The following MAPK10 variants were observed in gnomAD, a reference collection of about 807,000 sequenced individuals.
The protein encoded by MAPK10 is mitogen-activated protein kinase 10.
Under a neutral mutation model 59.3 loss-of-function variants are expected in MAPK10, and 25 were observed. That is an observed-to-expected ratio of 0.42 (90% CI 0.31 to 0.59). The LOEUF (loss-of-function observed/expected upper bound fraction) is 0.59, where lower values mean the gene tolerates loss of function less well. Ranked by LOEUF, MAPK10 falls within the 20% of genes least tolerant of loss-of-function variation. MAPK10 has a pLI of 0.15. For synonymous variants in MAPK10, 190 were observed against 200.5 expected (o/e 0.95, Z 0.44); for missense variants, 351 against 568.9 (o/e 0.62, Z 3.90).
chr4:86,260,397 G>A (rs1287588559), intron 2 of MAPK10, among the ~76,000 whole-genome samples: 1 of 152,048 alleles, frequency 6.6e-6, no homozygotes, highest in Non-Finnish European at 1.5e-5. Context: ...TCCAACAGTG[G>A]TTTCTTTCTT....
chr4:86,055,883 C>T lies in MAPK10; in HGVS notation c.1110+8383G>A, dbSNP rs2044455213. Among the ~76,000 whole-genome samples the T allele has an allele frequency of 2.0e-5, 3 of 149,992 alleles. No homozygotes were observed. The South Asian group carries it at 6.2e-4, about 31-fold the overall frequency. On this transcript the variant is annotated intron_variant, in intron 11 of 13. Transcript: ENST00000641462. ...ATTAAATTTTATATAATAAACTTCA[C>T]TTGCAAACTGACTTCCTTCTCAGAC...
At chr4:86,452,218 C>T (rs1322816901) in intron 1 of MAPK10, among the ~76,000 whole-genome samples, 1 of 152,194 alleles carries the variant, frequency 6.6e-6, no homozygotes, top group African/African-American at 2.4e-5. Flanking sequence ...AACCAAACAA[C>T]AGAGAACAGG....
chr4:86,152,126 C>G (rs1297181645), intron 4 of MAPK10: 6 of 152,140 alleles, frequency 3.9e-5, no homozygotes, highest in African/African-American at 1.4e-4. Flanking sequence ...CTCACACTTC[C>G]CATCCATATT....
chr4:86,154,912 A>G (rs2067320452), intron 4 of MAPK10, among the ~76,000 whole-genome samples: 1 of 152,138 alleles, frequency 6.6e-6, no homozygotes, highest in African/African-American at 2.4e-5. Context: ...AATTTTTATC[A>G]GCAAGAAATA....
At chr4:86,136,631 G>C in intron 4 of MAPK10, among the ~76,000 whole-genome samples, 1 of 148,698 alleles carries the variant, frequency 6.7e-6, no homozygotes, top group African/African-American at 2.5e-5. Flanking sequence ...ATCAACTAAC[G>C]AGCAAAATCA....
intron 1 of MAPK10, among the ~76,000 whole-genome samples, chr4:86,388,494 TA>T (rs1741797137): frequency 6.6e-6 from 1 of 152,160 alleles, no homozygotes; most frequent in South Asian, 2.1e-4. Context: ...TAATCATACA[TA>T]AGATGACTTT....
intron 1 of MAPK10, among the ~76,000 whole-genome samples, chr4:86,450,058 TA>T (rs1750523324): frequency 6.6e-6 from 1 of 152,204 alleles, no homozygotes; most frequent in South Asian, 2.1e-4. Context: ...AGGAACTAGC[TA>T]AATTGTGCCT....
intron 1 of MAPK10, among the ~76,000 whole-genome samples, chr4:86,517,948 A>C (rs1400209552): frequency 6.6e-6 from 1 of 152,040 alleles, no homozygotes; most frequent in Admixed American, 6.6e-5. Context: ...TACTGTTTCA[A>C]TCTTGTTACT....
intron 1 of MAPK10, among the ~76,000 whole-genome samples, chr4:86,557,428 AT>A (rs1471852081): frequency 9.2e-5 from 14 of 152,146 alleles, no homozygotes; most frequent in Admixed American, 9.2e-4. Context: ...AAACTAGTGT[AT>A]TTTTTTAAAA....
Position 86,499,059 on chromosome 4 carries a change from A to T in MAPK10, c.-263+94851T>A, listed in dbSNP as rs144574179. 2.7e-3 allele frequency among the ~76,000 whole-genome samples: 405 copies of T among 152,334 alleles called. 3 individuals are homozygous for T. The highest frequency in any genetic ancestry group is 9.2e-3 in the African/African-American group (384 of 41,562). On this transcript the variant is annotated intron_variant, in intron 1 of 4. Coordinates refer to the MAPK10 transcript ENST00000502302. ...TCCAATTATAGAGAATCATAAGTTAATATTCACATCCTTTTGCGATTACAA... is the reference window on the plus strand; with the variant it reads ...TCCAATTATAGAGAATCATAAGTTATTATTCACATCCTTTTGCGATTACAA...
chr4:86,159,850 G>T (rs2068977880), intron 3 of MAPK10, among the ~76,000 whole-genome samples: 1 of 151,912 alleles, frequency 6.6e-6, no homozygotes, highest in Non-Finnish European at 1.5e-5. Flanking sequence ...ATAAGACAAA[G>T]ATGATCACTG....
chr4:86,350,030 G>T (rs1239687549), intron 2 of MAPK10, among the ~76,000 whole-genome samples: 2 of 152,102 alleles, frequency 1.3e-5, no homozygotes, highest in Non-Finnish European at 2.9e-5. Context: ...AAATGGGGAT[G>T]GATGGGAGTA....
At chr4:86,169,788 G>C (rs747277489) in intron 3 of MAPK10, among the ~76,000 whole-genome samples, 4,078 of 151,864 alleles carry the variant, frequency 0.027, 108 homozygotes, top group Non-Finnish European at 0.038. Flanking sequence ...TGAAATGAAG[G>C]AAAAAATGTT....
chr4:86,587,882 C>T (rs1762746390), intron 1 of MAPK10, among the ~76,000 whole-genome samples: 1 of 152,144 alleles, frequency 6.6e-6, no homozygotes, highest in African/African-American at 2.4e-5. Flanking sequence ...CTGGGTGTGG[C>T]AATGCGTGCC....
At chr4:86,318,990 C>T (rs1277700930) in intron 2 of MAPK10, among the ~76,000 whole-genome samples, 1 of 152,152 alleles carries the variant, frequency 6.6e-6, no homozygotes, top group Non-Finnish European at 1.5e-5. Flanking sequence ...TTTATTGAAT[C>T]TATGTTTATT....
chr4:86,345,791 C>T (rs1482316528), intron 2 of MAPK10, among the ~76,000 whole-genome samples: 3 of 152,190 alleles, frequency 2.0e-5, no homozygotes, highest in Admixed American at 6.5e-5. Context: ...AAAAACTTTT[C>T]CTATATATTC....
At chr4:86,080,768 A>G (rs2050477201) in intron 9 of MAPK10, 2 of 152,018 alleles carry the variant, frequency 1.3e-5, no homozygotes, top group South Asian at 2.1e-4. Context: ...GACAACAACT[A>G]TCTAAATGAA....
chr4:86,195,942 T>C (rs2081205496), intron 2 of MAPK10, among the ~76,000 whole-genome samples: 1 of 152,202 alleles, frequency 6.6e-6, no homozygotes, highest in Non-Finnish European at 1.5e-5. Flanking sequence ...TGTATATGTG[T>C]CATATTTTCT....
rs116495200 is a variant in MAPK10, at chr4:86,039,722, C to T, written c.1111-8291G>A. ...AAGCCAATCCCAGAGCCAAGTAGCCCCCTGTGGACCCAAGGATAAGGCCAG... is the reference window on the plus strand; with the variant it reads ...AAGCCAATCCCAGAGCCAAGTAGCCTCCTGTGGACCCAAGGATAAGGCCAG... On this transcript the variant is annotated intron_variant, in intron 11 of 13. Coordinates refer to ENST00000641462, the MANE Select transcript of MAPK10 (RefSeq NM_138982.4). 1.5e-3 allele frequency among the ~76,000 whole-genome samples: 232 copies of T among 152,280 alleles called. 2 individuals carry two copies. The highest frequency in any genetic ancestry group is 6.8e-3 in the Middle Eastern group (2 of 294).
Sources: allele counts gnomAD v4.1 joint callset (sites outside exome capture counted in the v4.1 genomes callset), GRCh38; gene constraint gnomAD v4.1.1; transcripts MANE v1.5; gene names NCBI Gene and HGNC (gene_info 2026-07-23, HGNC 2026-07-21).